The following XXYLT1 variants were observed in gnomAD, a reference collection of about 807,000 sequenced individuals.
XXYLT1 encodes xyloside xylosyltransferase 1.
XXYLT1 carries 20 observed loss-of-function variants against 28.9 expected under a neutral mutation model. The ratio of observed to expected loss-of-function variants is 0.69; its 90% CI spans 0.49 to 1.00. The LOEUF is 1.00. Ranked by LOEUF, XXYLT1 falls within the 50% of genes least tolerant of loss-of-function variation. The pLI, the probability that XXYLT1 is intolerant of heterozygous loss-of-function variation, is 0.00. For missense variants in XXYLT1, 542 were observed against 560.1 expected, an observed-to-expected ratio of 0.97 and a Z score of 0.33; for synonymous variants, 257 against 253.8, an observed-to-expected ratio of 1.01 and a Z score of -0.12.
chr3:195,121,975 A>G, intron 3 of XXYLT1: 1 of 698,370 alleles, frequency 1.4e-6, no homozygotes, highest in Non-Finnish European at 2.6e-6. Flanking sequence ...AGCTATTATA[A>G]CAAAGTACCA....
chr3:195,086,529 G>A (rs1238108827), intron 3 of XXYLT1, among the ~76,000 whole-genome samples: 1 of 152,084 alleles, frequency 6.6e-6, no homozygotes, highest in Non-Finnish European at 1.5e-5. Context: ...CAGGGGCTGT[G>A]GGGTCAGAGG....
intron 2 of XXYLT1, among the ~76,000 whole-genome samples, chr3:195,175,168 A>T (rs1400386913): frequency 6.6e-6 from 1 of 152,226 alleles, no homozygotes; most frequent in Admixed American, 6.5e-5. Context: ...GTTGTTGAGC[A>T]TCAAATTCTG....
chr3:195,202,504 T>C (rs531895312), intron 2 of XXYLT1, among the ~76,000 whole-genome samples: 7 of 151,974 alleles, frequency 4.6e-5, no homozygotes, highest in African/African-American at 1.2e-4. Context: ...AACCACATGC[T>C]GTCCAATATT....
chr3:195,120,290 C>CCCA (rs1553806000), intron 3 of XXYLT1, among the ~76,000 whole-genome samples: 2 of 143,188 alleles, frequency 1.4e-5, no homozygotes, highest in Non-Finnish European at 3.1e-5. Flanking sequence ...AGATGCCCCC[C>CCCA]CCGCCCCAGC....
At chr3:195,109,651 A>ATGTGTGCGTGTGTGTGGTGTG in intron 3 of XXYLT1, among the ~76,000 whole-genome samples, 1 of 117,446 alleles carries the variant, frequency 8.5e-6, no homozygotes, top group Non-Finnish European at 1.8e-5. Context: ...TGTGTGGTGT[A>ATGTGTGCGTGTGTGTGGTGTG]TGTGTGCGTG....
chr3:195,269,303 G>A (rs1448685808), intron 1 of XXYLT1, among the ~76,000 whole-genome samples: 1 of 152,186 alleles, frequency 6.6e-6, no homozygotes, highest in Non-Finnish European at 1.5e-5. Flanking sequence ...AAATATTAGG[G>A]TCATTAGGAT....
intron 2 of XXYLT1, among the ~76,000 whole-genome samples, chr3:195,205,992 T>A (rs1287145609): frequency 2.0e-5 from 3 of 151,846 alleles, no homozygotes; most frequent in Admixed American, 1.3e-4. Context: ...CTCATGGTAA[T>A]CTACAATTAT....
At chr3:195,082,113 G>A (rs926558226) in intron 3 of XXYLT1, among the ~76,000 whole-genome samples, 1 of 152,180 alleles carries the variant, frequency 6.6e-6, no homozygotes, top group Admixed American at 6.5e-5. Flanking sequence ...TCACTTCTAT[G>A]TATTGACAAA....
chr3:195,072,465 C>T (rs993088944), intron 3 of XXYLT1, among the ~76,000 whole-genome samples: 4 of 152,118 alleles, frequency 2.6e-5, no homozygotes, highest in African/African-American at 9.7e-5. Context: ...GCACTGAGCT[C>T]GCTGGGCTCA....
intron 3 of XXYLT1, among the ~76,000 whole-genome samples, chr3:195,112,092 G>T (rs1717750045): frequency 6.6e-6 from 1 of 152,190 alleles, no homozygotes; most frequent in African/African-American, 2.4e-5. Flanking sequence ...TACCAAATCA[G>T]CTTAAGTGAG....
rs112049048 is a variant in XXYLT1 at position 195,262,281 on chromosome 3, C to G, written c.504+8274G>C. Reference sequence around the variant, plus strand: ...ACTTGTAGTGAATACTCAGAAGAGACACATTTATACAGAGAGCAAGCTGAT... The same window carrying G: ...ACTTGTAGTGAATACTCAGAAGAGAGACATTTATACAGAGAGCAAGCTGAT... On this transcript the variant is annotated intron_variant, in intron 1 of 3. Coordinates refer to ENST00000310380, the MANE Select transcript of XXYLT1 (RefSeq NM_152531.5). 1.6e-3 allele frequency among the ~76,000 whole-genome samples: 246 copies of G among 152,296 alleles called. 1 individual carries two copies. Among genetic ancestry groups the G allele is most frequent in the African/African-American group, 5.7e-3 (237 of 41,558 alleles).
At chr3:195,074,161 G>A (rs971033300) in intron 3 of XXYLT1, among the ~76,000 whole-genome samples, 3 of 152,216 alleles carry the variant, frequency 2.0e-5, no homozygotes, top group Non-Finnish European at 2.9e-5. Context: ...AGGAAGCGAG[G>A]ATGGGAAAAT....
intron 1 of XXYLT1, among the ~76,000 whole-genome samples, chr3:195,234,063 C>A (rs1452896576): frequency 6.6e-6 from 1 of 151,218 alleles, no homozygotes; most frequent in African/African-American, 2.4e-5. Context: ...ACTACAGACG[C>A]CCGCCACTAC....
At chr3:195,227,220 G>A (rs1269086962) in intron 1 of XXYLT1, among the ~76,000 whole-genome samples, 2 of 152,144 alleles carry the variant, frequency 1.3e-5, no homozygotes, top group Non-Finnish European at 2.9e-5. Context: ...CCCAGCGACT[G>A]GAAACCACGT....
intron 1 of XXYLT1, 84 bp downstream of exon 1, chr3:195,270,471 C>T (rs1725983296): frequency 1.5e-6 from 2 of 1,343,000 alleles, no homozygotes; most frequent in African/African-American, 1.5e-5. Context: ...GCTAGTTCCC[C>T]GGATCCCCTC....
intron 3 of XXYLT1, among the ~76,000 whole-genome samples, chr3:195,118,411 T>TC (rs1192211749): frequency 6.6e-6 from 1 of 152,194 alleles, no homozygotes; most frequent in Non-Finnish European, 1.5e-5. Context: ...AATGACTGCC[T>TC]CCCAGCTTCC....
chr3:195,108,501 A>T (rs1717271390), intron 3 of XXYLT1, among the ~76,000 whole-genome samples: 1 of 150,970 alleles, frequency 6.6e-6, no homozygotes, highest in African/African-American at 2.4e-5. Context: ...ACACACATAT[A>T]CAGTCACGCA....
At position 195,068,314 on chromosome 3, in the gene XXYLT1, C is replaced by T. The variant is rs1327537866; in HGVS notation, c.*1401G>A. On this transcript the variant is annotated 3_prime_UTR_variant, in exon 4 of 4. Transcript: ENST00000310380. ...AAAGATGATTTATTGGCTATCCTCA[C>T]TCATGGGAAAAAGAAAAACGTAAAT... The T allele has an allele frequency of 6.6e-6, 1 of 151,982 alleles. No individual in the cohort carries two copies. The highest frequency in any genetic ancestry group is 1.9e-4 in the East Asian group (1 of 5,178). 9.4% of individuals were successfully genotyped at this position (151,982 alleles called of 1,614,324 possible).
chr3:195,270,350 C>T (rs1725978272), intron 1 of XXYLT1: 1 of 1,208,776 alleles, frequency 8.3e-7, no homozygotes, highest in Non-Finnish European at 1.1e-6. Context: ...CGCAGCTCCA[C>T]TCCTCAGCAC....
Sources: allele counts gnomAD v4.1 joint callset (sites outside exome capture counted in the v4.1 genomes callset), GRCh38; gene constraint gnomAD v4.1.1; transcripts MANE v1.5; gene names NCBI Gene and HGNC (gene_info 2026-07-23, HGNC 2026-07-21).